Variants in ELMO1 observed in about 807,000 individuals in gnomAD.
ELMO1 encodes engulfment and cell motility protein 1.
In ELMO1, 26 loss-of-function variants were observed where a neutral mutation model predicts 98.9. The ratio of observed to expected loss-of-function variants is 0.26; its 90% CI spans 0.19 to 0.36. The LOEUF is 0.36. Ranked by LOEUF, ELMO1 falls within the 10% of genes least tolerant of loss-of-function variation. The probability of loss-of-function intolerance (pLI) is 1.00; values close to 1 mark genes in which losing one functional copy is unlikely to be tolerated. For synonymous variants in ELMO1, 346 were observed against 346.0 expected, an observed-to-expected ratio of 1.00 and a Z score of 0.00; for missense variants, 627 against 935.2, an observed-to-expected ratio of 0.67 and a Z score of 4.30.
intron 1 of ELMO1, among the ~76,000 whole-genome samples, chr7:37,350,361 T>C (rs1801204633): frequency 6.6e-6 from 1 of 152,200 alleles, no homozygotes; most frequent in African/African-American, 2.4e-5. Context: ...TACGGTTGGC[T>C]TGCAATATAA....
chr7:37,259,945 A>T (rs548118139), intron 5 of ELMO1, among the ~76,000 whole-genome samples: 4 of 152,330 alleles, frequency 2.6e-5, no homozygotes, highest in African/African-American at 9.6e-5. Context: ...TACTTGTGTG[A>T]ATGTAAAACT....
intron 15 of ELMO1, among the ~76,000 whole-genome samples, chr7:37,088,868 ATTTG>A (rs947749462): frequency 6.6e-6 from 1 of 152,186 alleles, no homozygotes; most frequent in Non-Finnish European, 1.5e-5. Context: ...GCTTTAGAAC[ATTTG>A]TTTTTGTTTT....
intron 13 of ELMO1, among the ~76,000 whole-genome samples, chr7:37,191,662 G>A (rs529378068): frequency 3.3e-5 from 5 of 152,344 alleles, no homozygotes; most frequent in African/African-American, 1.2e-4. Flanking sequence ...GCTCAAGCCT[G>A]TAATCCCAGC....
chr7:37,011,007 C>G (rs1016101797), intron 16 of ELMO1, among the ~76,000 whole-genome samples: 5 of 152,240 alleles, frequency 3.3e-5, no homozygotes, highest in Admixed American at 2.0e-4. Context: ...CTCTGGCCCT[C>G]AGGCCTGGAG....
intron 15 of ELMO1, chr7:37,033,246 C>T (rs113624201): frequency 0.011 from 4,191 of 379,986 alleles, 43 homozygotes; most frequent in Non-Finnish European, 0.018. Context: ...GGAGCGCAGA[C>T]GGGCTAAGTC....
intron 4 of ELMO1, among the ~76,000 whole-genome samples, chr7:37,291,062 TC>T (rs2130951443): frequency 6.6e-6 from 1 of 152,198 alleles, no homozygotes; most frequent in African/African-American, 2.4e-5. Context: ...ACCCCTATAT[TC>T]ACAAAACCTT....
chr7:37,194,087 G>A (rs1021212822), intron 13 of ELMO1, among the ~76,000 whole-genome samples: 1 of 152,180 alleles, frequency 6.6e-6, no homozygotes, highest in South Asian at 2.1e-4. Context: ...TCACACACTC[G>A]ATGTATGTCC....
intron 16 of ELMO1, among the ~76,000 whole-genome samples, chr7:36,981,977 G>A (rs1033844747): frequency 6.6e-6 from 1 of 152,220 alleles, no homozygotes; most frequent in African/African-American, 2.4e-5. Context: ...TGCAAGGAAT[G>A]TTCTGAGATC....
chr7:37,209,658 T>C (rs946600935), intron 13 of ELMO1, among the ~76,000 whole-genome samples: 1 of 152,198 alleles, frequency 6.6e-6, no homozygotes, highest in Non-Finnish European at 1.5e-5. Flanking sequence ...CGATATGTCT[T>C]GCTTACCACA....
chr7:36,962,400 A>G (rs572436310), intron 16 of ELMO1, among the ~76,000 whole-genome samples: 2 of 152,332 alleles, frequency 1.3e-5, no homozygotes, highest in East Asian at 3.9e-4. Context: ...ATGAAAATGA[A>G]GTATGGAAGA....
chr7:36,994,654 A>T (rs554321165), intron 16 of ELMO1, among the ~76,000 whole-genome samples: 2 of 152,346 alleles, frequency 1.3e-5, no homozygotes, highest in Admixed American at 6.5e-5. Context: ...TCTGAGAGGG[A>T]CTAGGGTGCT....
chr7:37,093,982 A>G (rs1446631297), intron 15 of ELMO1, among the ~76,000 whole-genome samples: 1 of 152,052 alleles, frequency 6.6e-6, no homozygotes, highest in Non-Finnish European at 1.5e-5. Flanking sequence ...AGGAAAAAGT[A>G]TCAGTCCCAG....
intron 1 of ELMO1, among the ~76,000 whole-genome samples, chr7:37,397,593 G>T (rs759433078): frequency 1.3e-5 from 2 of 152,172 alleles, no homozygotes; most frequent in Non-Finnish European, 2.9e-5. Flanking sequence ...TGGACAATAC[G>T]ATTCCTCAAA....
chr7:37,256,742 G>A (rs1023969874), intron 6 of ELMO1, among the ~76,000 whole-genome samples: 1 of 116,880 alleles, frequency 8.6e-6, no homozygotes, highest in Non-Finnish European at 1.8e-5. Flanking sequence ...GAAGGGAAGG[G>A]AAGGGAAGGG....
chr7:37,292,775 G>A (rs1797792247), intron 4 of ELMO1, among the ~76,000 whole-genome samples: 1 of 38,808 alleles, frequency 2.6e-5, no homozygotes, highest in Non-Finnish European at 7.7e-5. Context: ...CACCCCGTCT[G>A]GGAGGGAGGG....
At chr7:37,187,692 T>A (rs989535270) in intron 13 of ELMO1, among the ~76,000 whole-genome samples, 5 of 152,194 alleles carry the variant, frequency 3.3e-5, no homozygotes, top group Admixed American at 2.0e-4. Context: ...GCAGGTAAAC[T>A]GTAGTAAACT....
intron 13 of ELMO1, among the ~76,000 whole-genome samples, chr7:37,159,618 T>G (rs563084829): frequency 2.7e-4 from 41 of 152,184 alleles, no homozygotes; most frequent in Admixed American, 2.7e-3. Flanking sequence ...GAGAATCACT[T>G]GAACCAGGAG....
At chr7:37,102,781 C>T (rs185496264) in intron 14 of ELMO1, among the ~76,000 whole-genome samples, 4 of 152,330 alleles carry the variant, frequency 2.6e-5, no homozygotes, top group Admixed American at 1.3e-4. Flanking sequence ...ATAAACAGAC[C>T]CAGCATGGAA....
At chr7:37,422,601 AT>A (rs1804518760) in intron 1 of ELMO1, among the ~76,000 whole-genome samples, 1 of 152,232 alleles carries the variant, frequency 6.6e-6, no homozygotes, top group South Asian at 2.1e-4. Context: ...GTTTTGATGG[AT>A]TTTAAAACAC....
Sources: gnomAD v4.1 joint callset for allele counts (sites outside exome capture counted in the v4.1 genomes callset) on GRCh38, gnomAD v4.1.1 for gene constraint, MANE v1.5 for transcripts, NCBI Gene and HGNC (gene_info 2026-07-23, HGNC 2026-07-21) for gene names.